The following PRDM16 variants were observed in gnomAD, a reference collection of about 807,000 sequenced individuals.
PRDM16 encodes histone-lysine N-methyltransferase PRDM16.
In PRDM16, 23 loss-of-function variants were observed where a neutral mutation model predicts 110.6. The ratio of observed to expected loss-of-function variants is 0.21; its 90% confidence interval spans 0.15 to 0.29. PRDM16 has a LOEUF of 0.29. Among genes scored for constraint, PRDM16 ranks in the 10% least tolerant of loss-of-function variants. The probability of loss-of-function intolerance (pLI) is 1.00; values close to 1 mark genes in which losing one functional copy is unlikely to be tolerated. For synonymous variants in PRDM16, 799 were observed against 781.8 expected, an observed-to-expected ratio of 1.02 and a Z score of -0.37; for missense variants, 1,615 against 1,794.3, an observed-to-expected ratio of 0.90 and a Z score of 1.81.
At chr1:3,086,738 T>C (rs531171847) in intron 1 of PRDM16, among the ~76,000 whole-genome samples, 1 of 152,140 alleles carries the variant, frequency 6.6e-6, no homozygotes, top group East Asian at 1.9e-4. Context: ...AGCTAACGAG[T>C]GGTTCTTGGC....
chr1:3,279,459 C>T (rs1023338381), intron 3 of PRDM16, among the ~76,000 whole-genome samples: 7 of 152,234 alleles, frequency 4.6e-5, no homozygotes, highest in East Asian at 1.9e-4. Context: ...CTGCCCTGCC[C>T]GGCGGCGTCA....
chr1:3,114,615 TAC>T (rs1557457521), intron 1 of PRDM16, among the ~76,000 whole-genome samples: 3 of 146,174 alleles, frequency 2.1e-5, no homozygotes, highest in South Asian at 2.3e-4. Flanking sequence ...CACACGTGCA[TAC>T]ACACATGAAC....
intron 3 of PRDM16, among the ~76,000 whole-genome samples, chr1:3,332,722 C>T (rs571648528): frequency 6.6e-6 from 1 of 151,978 alleles, no homozygotes; most frequent in Non-Finnish European, 1.5e-5. Flanking sequence ...CCCAGCAGCA[C>T]TCACTCCCCA....
chr1:3,118,051 CTGTG>C (rs929832441), intron 1 of PRDM16, among the ~76,000 whole-genome samples: 1 of 150,936 alleles, frequency 6.6e-6, no homozygotes. Context: ...CATGCTCATG[CTGTG>C]TGTGTACATG....
intron 4 of PRDM16, among the ~76,000 whole-genome samples, 161 bp downstream of exon 4, chr1:3,385,447 A>G (rs1267927807): frequency 6.6e-6 from 1 of 152,174 alleles, no homozygotes; most frequent in Non-Finnish European, 1.5e-5. Flanking sequence ...GTGCTTGGCC[A>G]GCACTGGCTT....
chr1:3,178,918 G>A (rs1171735288), intron 1 of PRDM16, among the ~76,000 whole-genome samples: 1 of 152,162 alleles, frequency 6.6e-6, no homozygotes, highest in Non-Finnish European at 1.5e-5. Flanking sequence ...CCCACAGCCG[G>A]GTCCACCCAA....
chr1:3,236,242 C>T (rs1347773177), intron 2 of PRDM16, among the ~76,000 whole-genome samples: 1 of 151,962 alleles, frequency 6.6e-6, no homozygotes, highest in African/African-American at 2.4e-5. Context: ...TCCTTGTCTC[C>T]CACAGCCCCT....
Position 3,186,302 on chromosome 1 carries a change from T to C in PRDM16, c.215T>C (p.Val72Ala). 1 of 1,611,938 alleles carries C rather than the reference T, an allele frequency of 6.2e-7. No individual in the cohort carries two copies. Among genetic ancestry groups the C allele is most frequent in the Non-Finnish European group, 8.5e-7 (1 of 1,179,484 alleles). Residue 72 changes from valine (V) to alanine (A), a missense_variant, in exon 2 of 17, where the codon GTC (valine) becomes GCC (alanine). Transcript: ENST00000270722. ...PKEGSPYEAPVYIPEDIPIPA... is the reference protein window; with the variant it reads ...PKEGSPYEAPAYIPEDIPIPA... ...GAGGGCTCGCCGTACGAGGCCCCTGTCTACATTCCTGAAGACATTCCGATC... is the reference window on the plus strand; with the variant it reads ...GAGGGCTCGCCGTACGAGGCCCCTGCCTACATTCCTGAAGACATTCCGATC...
At chr1:3,318,757 TC>T (rs1222352816) in intron 3 of PRDM16, among the ~76,000 whole-genome samples, 5 of 152,046 alleles carry the variant, frequency 3.3e-5, no homozygotes, top group East Asian at 3.9e-4. Context: ...AATGAACTTA[TC>T]CCCCCAGCAT....
intron 2 of PRDM16, among the ~76,000 whole-genome samples, chr1:3,211,068 C>T (rs183864033): frequency 4.6e-5 from 7 of 152,328 alleles, no homozygotes; most frequent in Admixed American, 3.9e-4. Context: ...TTTATGCACA[C>T]GTGTATACAT....
At chr1:3,155,047 T>C (rs1643837245) in intron 1 of PRDM16, among the ~76,000 whole-genome samples, 1 of 152,102 alleles carries the variant, frequency 6.6e-6, no homozygotes, top group Non-Finnish European at 1.5e-5. Flanking sequence ...CACATCAAAC[T>C]CCAGGGGGTG....
At chr1:3,167,122 GCTA>G (rs957260325) in intron 1 of PRDM16, among the ~76,000 whole-genome samples, 4 of 152,076 alleles carry the variant, frequency 2.6e-5, no homozygotes, top group East Asian at 1.9e-4. Context: ...GGTCTACATG[GCTA>G]CTACTACTAC....
chr1:3,338,100 C>T (rs1337991511), intron 3 of PRDM16, among the ~76,000 whole-genome samples: 1 of 152,224 alleles, frequency 6.6e-6, no homozygotes, highest in Non-Finnish European at 1.5e-5. Context: ...CACACATGAA[C>T]ATCTAGCTTC....
Position 3,246,839 on chromosome 1 carries a change from G to T in PRDM16, c.438+2702G>T, listed in dbSNP as rs954294413. Among the ~76,000 whole-genome samples, 3 of 152,154 alleles carry T rather than the reference G, an allele frequency of 2.0e-5. No individual in the cohort carries two copies. Among genetic ancestry groups the T allele is most frequent in the African/African-American group, 7.2e-5 (3 of 41,422 alleles). On this transcript the variant is annotated intron_variant, in intron 3 of 16. Coordinates refer to ENST00000270722, the MANE Select transcript of PRDM16 (RefSeq NM_022114.4). This position sits in a 1 kb window ranked among gnomAD's most constrained non-coding sequence, Gnocchi z 5.2. ...GGGGGTTGGGGCTGAGAGACTGAGAGACATGAGCTAAAATTCAAAGGCAAA... is the reference window on the plus strand; with the variant it reads ...GGGGGTTGGGGCTGAGAGACTGAGATACATGAGCTAAAATTCAAAGGCAAA...
intron 3 of PRDM16, among the ~76,000 whole-genome samples, chr1:3,273,342 A>G (rs903866444): frequency 1.3e-5 from 2 of 152,320 alleles, no homozygotes; most frequent in East Asian, 3.9e-4. Flanking sequence ...GGGGAGCAGC[A>G]GTGACACTTC....
At chr1:3,205,369 C>T (rs1027115404) in intron 2 of PRDM16, among the ~76,000 whole-genome samples, 2 of 151,992 alleles carry the variant, frequency 1.3e-5, no homozygotes, top group Admixed American at 6.5e-5. Context: ...GGGAAAATGC[C>T]GAGATGTAAG....
chr1:3,183,826 A>C lies in PRDM16; in HGVS notation c.38-2299A>C, dbSNP rs74050160. ...GCTGCCCCACTTCGGGCTCCAGCGG[A>C]ACTCCCAGAAACACCTGGGGTTCTA... On this transcript the variant is annotated intron_variant, in intron 1 of 16. Coordinates refer to ENST00000270722, the MANE Select transcript of PRDM16 (RefSeq NM_022114.4). Among the ~76,000 whole-genome samples, 379 of 152,310 alleles carry C rather than the reference A, an allele frequency of 2.5e-3. 2 individuals carry two copies. The highest frequency in any genetic ancestry group is 8.7e-3 in the African/African-American group (362 of 41,562).
At chr1:3,095,755 A>T (rs192660497) in intron 1 of PRDM16, among the ~76,000 whole-genome samples, 118 of 151,818 alleles carry the variant, frequency 7.8e-4, no homozygotes, top group Non-Finnish European at 1.6e-3. Context: ...AGTGTGGGAG[A>T]TGACTCTGTG....
In PRDM16 at chr1:3,433,694, G is replaced by A. The variant is rs1427967709; in HGVS notation, c.3714G>A (p.Leu1238=). The change falls in exon 17 of 17, where the codon CTG becomes CTA. Residue 1238 remains leucine (L), a synonymous_variant. Coordinates refer to ENST00000270722, the MANE Select transcript of PRDM16 (RefSeq NM_022114.4). ...CCCGCCAGGCATATGCAATGATGCT[G>A]TCCCTTTCCGAAGACACTCCTCTCC... ...QAKNQAYAMM[L]SLSEDTPLHT... is the part of the protein sequence containing the mutation. 1.9e-6 allele frequency: 3 copies of A among 1,613,914 alleles called. No individual in the cohort carries two copies. The highest frequency in any genetic ancestry group is 1.3e-5 in the African/African-American group (1 of 75,044).
Sources: gnomAD v4.1 joint callset for allele counts (sites outside exome capture counted in the v4.1 genomes callset) on GRCh38, gnomAD v4.1.1 for gene constraint, Gnocchi (gnomAD v3.1) non-coding constraint, MANE v1.5 for transcripts, NCBI Gene and HGNC (gene_info 2026-07-23, HGNC 2026-07-21) for gene names.